HHAT: variants seen among roughly 807,000 people sequenced by gnomAD.
HHAT encodes the protein hedgehog acyltransferase.
HHAT carries 47 observed loss-of-function variants against 70.8 expected under a neutral mutation model. That is an observed-to-expected ratio of 0.66 (90% CI 0.53 to 0.85). The LOEUF is 0.85. HHAT is among the 40% of genes least tolerant of loss of function. The pLI is 0.00. For synonymous variants in HHAT, 228 were observed against 247.6 expected, an observed-to-expected ratio of 0.92 and a Z score of 0.74; for missense variants, 609 against 604.8, an observed-to-expected ratio of 1.01 and a Z score of -0.07.
chr1:210,512,340 C>CT (rs1011141655), intron 8 of HHAT, among the ~76,000 whole-genome samples: 48 of 152,242 alleles, frequency 3.2e-4, no homozygotes, highest in African/African-American at 1.1e-3. Flanking sequence ...CCCACCCCCC[C>CT]TCACCTGCTT....
At chr1:210,331,900 G>T (rs895340605) in intron 1 of HHAT, among the ~76,000 whole-genome samples, 2 of 152,154 alleles carry the variant, frequency 1.3e-5, no homozygotes, top group African/African-American at 4.8e-5. Flanking sequence ...TACTTTTCTA[G>T]AAGAAATCTC....
chr1:210,460,933 T>A (rs944051540), intron 7 of HHAT, among the ~76,000 whole-genome samples: 1 of 152,210 alleles, frequency 6.6e-6, no homozygotes, highest in Non-Finnish European at 1.5e-5. Flanking sequence ...TGAATGAATG[T>A]CAAAAGAGTG....
At chr1:210,527,657 C>G (rs993103706) in intron 9 of HHAT, among the ~76,000 whole-genome samples, 1 of 152,166 alleles carries the variant, frequency 6.6e-6, no homozygotes, top group Non-Finnish European at 1.5e-5. Flanking sequence ...GATTCACAAG[C>G]TCCCTGAGGG....
chr1:210,550,774 A>AT (rs2095521168), intron 9 of HHAT, among the ~76,000 whole-genome samples: 1 of 148,734 alleles, frequency 6.7e-6, no homozygotes, highest in Non-Finnish European at 1.5e-5. Flanking sequence ...GGTTCAAGTG[A>AT]TTCTCCTGCC....
chr1:210,353,434 GTTTTTTT>G (rs10541502), intron 2 of HHAT, among the ~76,000 whole-genome samples: 2 of 114,420 alleles, frequency 1.7e-5, no homozygotes, highest in South Asian at 3.1e-4. Context: ...GAAGTCACCT[GTTTTTTT>G]TTTTTTTTTT....
intron 2 of HHAT, among the ~76,000 whole-genome samples, chr1:210,353,236 C>G (rs528913096): frequency 6.6e-5 from 10 of 152,096 alleles, no homozygotes; most frequent in Admixed American, 6.6e-4. Flanking sequence ...ACGCCCGGCC[C>G]CTCTCTGTTT....
At chr1:210,581,165 A>T (rs1032545996) in intron 9 of HHAT, among the ~76,000 whole-genome samples, 2 of 151,982 alleles carry the variant, frequency 1.3e-5, no homozygotes, top group Non-Finnish European at 2.9e-5. Flanking sequence ...CCACTTTTTG[A>T]TGGGATTATT....
chr1:210,546,037 G>A (rs1468110944), intron 9 of HHAT, among the ~76,000 whole-genome samples: 3 of 152,160 alleles, frequency 2.0e-5, no homozygotes, highest in Non-Finnish European at 2.9e-5. Flanking sequence ...TCATACTACA[G>A]CTTTTTTCCT....
At chr1:210,593,231 G>C (rs1662161880) in intron 10 of HHAT, among the ~76,000 whole-genome samples, 1 of 151,542 alleles carries the variant, frequency 6.6e-6, no homozygotes, top group South Asian at 2.1e-4. Flanking sequence ...TCTAATTTTG[G>C]GTTTGTTTTG....
chr1:210,432,798 T>G (rs1180829533), intron 7 of HHAT, among the ~76,000 whole-genome samples: 1 of 151,776 alleles, frequency 6.6e-6, no homozygotes, highest in African/African-American at 2.4e-5. Flanking sequence ...ACCTTCAGCT[T>G]CAAGGTTTTG....
intron 6 of HHAT, among the ~76,000 whole-genome samples, chr1:210,411,736 AC>A (rs781061378): frequency 4.6e-5 from 7 of 152,142 alleles, no homozygotes; most frequent in Non-Finnish European, 7.4e-5. Context: ...ATAGAGTGAC[AC>A]CCTGTGTCAT....
intron 4 of HHAT, among the ~76,000 whole-genome samples, chr1:210,390,601 C>T (rs2091397630): frequency 6.6e-6 from 1 of 152,066 alleles, no homozygotes; most frequent in South Asian, 2.1e-4. Context: ...GTGTACCTGT[C>T]ACCCAAGCAA....
intron 7 of HHAT, among the ~76,000 whole-genome samples, chr1:210,434,456 C>G (rs1026424805): frequency 6.6e-6 from 1 of 151,812 alleles, no homozygotes; most frequent in East Asian, 1.9e-4. Flanking sequence ...CCATGTCGGC[C>G]GAGTTCAAAC....
chr1:210,605,835 TATTA>T (rs1665284804), intron 10 of HHAT, among the ~76,000 whole-genome samples: 1 of 152,056 alleles, frequency 6.6e-6, no homozygotes, highest in South Asian at 2.1e-4. Flanking sequence ...ACACTAATTT[TATTA>T]ATTTCTTCAT....
At chr1:210,350,173 G>C (rs1198482311) in intron 2 of HHAT, among the ~76,000 whole-genome samples, 2 of 152,056 alleles carry the variant, frequency 1.3e-5, no homozygotes, top group Non-Finnish European at 2.9e-5. Flanking sequence ...GAGTCAATTT[G>C]TTGATATCTA....
chr1:210,552,668 C>G (rs183535842), intron 9 of HHAT, among the ~76,000 whole-genome samples: 1 of 152,288 alleles, frequency 6.6e-6, no homozygotes, highest in East Asian at 1.9e-4. Flanking sequence ...TACCTCTTGA[C>G]CAGTTATTGA....
intron 9 of HHAT, among the ~76,000 whole-genome samples, chr1:210,584,001 G>A (rs1282418356): frequency 2.1e-5 from 3 of 143,390 alleles, no homozygotes; most frequent in African/African-American, 7.9e-5. Flanking sequence ...TGCCCAGGCT[G>A]GAGGGCAGTG....
chr1:210,351,408 C>T (rs1002031990), intron 2 of HHAT, among the ~76,000 whole-genome samples: 3 of 152,174 alleles, frequency 2.0e-5, no homozygotes, highest in African/African-American at 2.4e-5. Context: ...CACTCTTTGG[C>T]CTGGTCAAGT....
At chr1:210,591,164 A>G (rs1037749143) in intron 10 of HHAT, among the ~76,000 whole-genome samples, 3 of 151,986 alleles carry the variant, frequency 2.0e-5, no homozygotes, top group Admixed American at 6.6e-5. Context: ...ATCTTATTCT[A>G]TATAGCTATA....
Sources: allele counts gnomAD v4.1 joint callset (sites outside exome capture counted in the v4.1 genomes callset), GRCh38; gene constraint gnomAD v4.1.1; transcripts MANE v1.5; gene names NCBI Gene and HGNC (gene_info 2026-07-23, HGNC 2026-07-21).